TACC1: variants seen among roughly 807,000 people sequenced by gnomAD.
The protein encoded by TACC1 is transforming acidic coiled-coil-containing protein 1.
In TACC1, 48 loss-of-function variants were observed where a neutral mutation model predicts 84.4. That is an observed-to-expected ratio of 0.57 (90% CI 0.45 to 0.72). The LOEUF is 0.72. TACC1 is among the 30% of genes least tolerant of loss of function. The pLI is 0.00. For missense variants in TACC1, 920 were observed against 973.0 expected (o/e 0.95, Z 0.72); for synonymous variants, 372 against 376.3 (o/e 0.99, Z 0.13).
chr8:38,827,505 C>T lies in TACC1; in HGVS notation c.1660+130C>T, dbSNP rs1828366235. On this transcript the variant is annotated intron_variant, in intron 5 of 12. Transcript: ENST00000317827. Reference sequence around the variant, plus strand: ...TGAAGGATAGATTTAGGATGCTGACCTATGCTTTGCTTCTTTACCTGGAAA... The same window carrying T: ...TGAAGGATAGATTTAGGATGCTGACTTATGCTTTGCTTCTTTACCTGGAAA... 16 of 902,372 alleles carry T rather than the reference C, an allele frequency of 1.8e-5. No individual in the cohort carries two copies. The South Asian group carries it at 2.7e-4, about 15-fold the overall frequency. The allele number at this position is 902,372 out of a possible 1,614,324, so 55.9% of individuals were successfully genotyped here.
chr8:38,742,957 C>T (rs1231277981), intron 2 of TACC1, among the ~76,000 whole-genome samples: 1 of 152,220 alleles, frequency 6.6e-6, no homozygotes, highest in Non-Finnish European at 1.5e-5. Context: ...TCAAGAGATT[C>T]ACCTGTCTTG....
At chr8:38,839,271 A>G (rs145053008) in intron 8 of TACC1, 6 of 392,858 alleles carry the variant, frequency 1.5e-5, no homozygotes, top group East Asian at 1.4e-4. Flanking sequence ...CTTGTTAACA[A>G]GAAACAAAAT....
chr8:38,798,653 C>A (rs1156281526), intron 2 of TACC1, among the ~76,000 whole-genome samples: 1 of 119,446 alleles, frequency 8.4e-6, no homozygotes, highest in East Asian at 2.5e-4. Context: ...GTGTATTTTT[C>A]TGCTTTGGTT....
intron 2 of TACC1, among the ~76,000 whole-genome samples, chr8:38,789,866 GGAGGAGCTGAAGTCAGCGTGGTCA>G (rs1818229909): frequency 6.6e-6 from 1 of 152,224 alleles, no homozygotes; most frequent in Non-Finnish European, 1.5e-5. Context: ...TCAGAGAGCA[GGAGGAGCTGAAGTCAGCGTGGTCA>G]GAGGAGGTCC....
intron 3 of TACC1, among the ~76,000 whole-genome samples, chr8:38,762,056 G>C (rs1811312208): frequency 6.6e-6 from 1 of 152,002 alleles, no homozygotes; most frequent in South Asian, 2.1e-4. Flanking sequence ...AGTTGAAATA[G>C]AAAAAAGAGT....
chr8:38,736,427 C>A (rs1457853790), intron 1 of TACC1, among the ~76,000 whole-genome samples: 1 of 152,012 alleles, frequency 6.6e-6, no homozygotes, highest in African/African-American at 2.4e-5. Flanking sequence ...TTAGCCTGGG[C>A]AACACAGTGA....
At chr8:38,791,374 C>T (rs1371956314) in intron 2 of TACC1, among the ~76,000 whole-genome samples, 1 of 152,116 alleles carries the variant, frequency 6.6e-6, no homozygotes, top group Non-Finnish European at 1.5e-5. Context: ...AGGAAACAAC[C>T]CTGCATATTA....
chr8:38,805,911 G>A (rs991143399), intron 2 of TACC1, among the ~76,000 whole-genome samples: 4 of 152,190 alleles, frequency 2.6e-5, no homozygotes, highest in Non-Finnish European at 5.9e-5. Flanking sequence ...CATCCTTTGT[G>A]TGTCTTATGT....
intron 2 of TACC1, among the ~76,000 whole-genome samples, chr8:38,791,840 G>C (rs779602157): frequency 6.6e-6 from 1 of 152,140 alleles, no homozygotes; most frequent in Non-Finnish European, 1.5e-5. Flanking sequence ...GCCCTCAAAC[G>C]TGTGGGCTAC....
At chr8:38,770,591 C>G (rs1179358827) in intron 3 of TACC1, among the ~76,000 whole-genome samples, 4 of 152,224 alleles carry the variant, frequency 2.6e-5, no homozygotes, top group Admixed American at 2.6e-4. Context: ...ATGTCACGCT[C>G]AGAGAGGAGC....
At chr8:38,840,059 T>TAAAAAA (rs11440274) in intron 8 of TACC1, 165 bp from the exon 9 acceptor site, 2 of 189,340 alleles carry the variant, frequency 1.1e-5, no homozygotes, top group South Asian at 9.4e-5. Flanking sequence ...TTATATAATG[T>TAAAAAA]AAAAAAAAAA....
chr8:38,842,845 G>A (rs554420677), intron 10 of TACC1, among the ~76,000 whole-genome samples: 4 of 152,334 alleles, frequency 2.6e-5, no homozygotes, highest in African/African-American at 9.6e-5. Context: ...AATTCAAGCT[G>A]CATATTCTAG....
chr8:38,803,579 T>G (rs1821933534), intron 2 of TACC1, among the ~76,000 whole-genome samples: 1 of 152,248 alleles, frequency 6.6e-6, no homozygotes, highest in South Asian at 2.1e-4. Context: ...GATTTTCAGA[T>G]GTTAAAGCAA....
At chr8:38,821,202 CA>C (rs879753323) in intron 3 of TACC1, among the ~76,000 whole-genome samples, 4,996 of 130,590 alleles carry the variant, frequency 0.038, 221 homozygotes, top group African/African-American at 0.12. Flanking sequence ...GACTCCATCT[CA>C]AAAAAAAAAA....
chr8:38,815,360 T>C (rs1825185685), intron 2 of TACC1, among the ~76,000 whole-genome samples: 1 of 152,212 alleles, frequency 6.6e-6, no homozygotes, highest in African/African-American at 2.4e-5. Flanking sequence ...CTTAAGGCAG[T>C]GGAACCTTTT....
chr8:38,799,430 G>A (rs2152064928), intron 2 of TACC1, among the ~76,000 whole-genome samples: 1 of 152,238 alleles, frequency 6.6e-6, no homozygotes, highest in South Asian at 2.1e-4. Flanking sequence ...GGCCCCTGTG[G>A]GGCTCCGAGT....
At chr8:38,824,141 T>A in intron 3 of TACC1, 1 of 862,154 alleles carries the variant, frequency 1.2e-6, no homozygotes, top group Non-Finnish European at 1.7e-6. Context: ...GATCTTCTGA[T>A]GATTTTTTTG....
At chr8:38,811,032 A>G (rs1051490885) in intron 2 of TACC1, among the ~76,000 whole-genome samples, 1 of 151,674 alleles carries the variant, frequency 6.6e-6, no homozygotes, top group Non-Finnish European at 1.5e-5. Flanking sequence ...GAGGGAGGAA[A>G]AGTTGAGCCC....
chr8:38,834,390 T>G (rs1323098424), intron 6 of TACC1, among the ~76,000 whole-genome samples: 1 of 152,172 alleles, frequency 6.6e-6, no homozygotes, highest in Non-Finnish European at 1.5e-5. Flanking sequence ...TTTGCCATAT[T>G]CTAATGAGTC....
Sources: allele counts gnomAD v4.1 joint callset (sites outside exome capture counted in the v4.1 genomes callset), GRCh38; gene constraint gnomAD v4.1.1; transcripts MANE v1.5; gene names NCBI Gene and HGNC (gene_info 2026-07-23, HGNC 2026-07-21).